The following MBOAT1 variants were observed in gnomAD, a reference collection of about 807,000 sequenced individuals.
The protein encoded by MBOAT1 is membrane bound glycerophospholipid O-acyltransferase 1.
A neutral mutation model predicts 64.4 loss-of-function variants in MBOAT1; 67 were observed. The observed-to-expected ratio is 1.04, with a 90% confidence interval of 0.85 to 1.27. The LOEUF (loss-of-function observed/expected upper bound fraction) is 1.27. Ranked by LOEUF, MBOAT1 falls within the 50% of genes most tolerant of loss-of-function variation. The pLI is 0.00. For synonymous variants in MBOAT1, 229 were observed against 218.9 expected (o/e 1.05, Z -0.41); for missense variants, 563 against 604.6 (o/e 0.93, Z 0.72).
intron 3 of MBOAT1, among the ~76,000 whole-genome samples, chr6:20,149,496 G>C (rs1761427943): frequency 6.6e-6 from 1 of 152,144 alleles, no homozygotes; most frequent in African/African-American, 2.4e-5. Context: ...TTTTGGAAAA[G>C]CCAAGCCTTT....
chr6:20,161,713 G>C (rs35366900), intron 1 of MBOAT1, among the ~76,000 whole-genome samples: 16,921 of 152,132 alleles, frequency 0.11, 1,055 homozygotes, highest in Middle Eastern at 0.19. Context: ...GTCAGGGAGT[G>C]GTAGAGCCAG....
intron 12 of MBOAT1, 58 bp from the exon 13 acceptor site, chr6:20,102,470 C>A (rs1756800044): frequency 4.2e-6 from 6 of 1,432,286 alleles, no homozygotes; most frequent in Non-Finnish European, 5.8e-6. Context: ...TGGGAAACAC[C>A]ACCTAATTAT....
intron 1 of MBOAT1, among the ~76,000 whole-genome samples, chr6:20,155,361 C>G (rs1278065328): frequency 6.6e-6 from 1 of 152,186 alleles, no homozygotes; most frequent in African/African-American, 2.4e-5. Flanking sequence ...GGTATGTTCC[C>G]TCCCTTCAAG....
chr6:20,138,170 G>A (rs755875126), intron 4 of MBOAT1, among the ~76,000 whole-genome samples: 1 of 152,230 alleles, frequency 6.6e-6, no homozygotes, highest in South Asian at 2.1e-4. Flanking sequence ...CTTTACGGTG[G>A]TAGGGAAAAA....
rs141677864 is a variant in MBOAT1, at chr6:20,156,228, G to A, written c.100-3459C>T. 8.4e-3 allele frequency among the ~76,000 whole-genome samples: 1,238 copies of A among 147,304 alleles called. 6 individuals carry two copies. The highest frequency in any genetic ancestry group is 0.018 in the Middle Eastern group (5 of 274). On this transcript the variant is annotated intron_variant, in intron 1 of 12. Transcript: ENST00000324607. The stretch of plus-strand genomic sequence containing the variant: ...AGAGCTTGCAGTGAGCTGAGATCAC[G>A]CCACTGCACTCCAGCCTGGGCGACA...
chr6:20,164,864 A>G (rs1366265357), intron 1 of MBOAT1, among the ~76,000 whole-genome samples: 1 of 152,224 alleles, frequency 6.6e-6, no homozygotes, highest in East Asian at 1.9e-4. Context: ...TTGAGTAGCC[A>G]TATGACCATT....
chr6:20,149,120 C>A (rs372893702), intron 3 of MBOAT1, among the ~76,000 whole-genome samples: 66 of 140,746 alleles, frequency 4.7e-4, no homozygotes, highest in African/African-American at 1.1e-3. Flanking sequence ...AAAAAAAAAA[C>A]CAAACAAAAA....
chr6:20,193,196 C>T (rs547587199), intron 1 of MBOAT1, among the ~76,000 whole-genome samples: 30 of 150,290 alleles, frequency 2.0e-4, no homozygotes, highest in African/African-American at 7.1e-4. Flanking sequence ...TTAGTAGAGA[C>T]GGGGTTTCAC....
intron 1 of MBOAT1, among the ~76,000 whole-genome samples, chr6:20,186,588 C>A (rs1762661251): frequency 6.6e-6 from 1 of 152,224 alleles, no homozygotes; most frequent in Admixed American, 6.5e-5. Context: ...GGGTCCCCAA[C>A]AAGGCCAGCC....
At chr6:20,166,307 T>C (rs1320415833) in intron 1 of MBOAT1, among the ~76,000 whole-genome samples, 1 of 152,110 alleles carries the variant, frequency 6.6e-6, no homozygotes, top group Admixed American at 6.5e-5. Flanking sequence ...GAACTTAGAT[T>C]TTCATAGAGA....
At chr6:20,128,485 T>G (rs1374542580) in intron 6 of MBOAT1, among the ~76,000 whole-genome samples, 2 of 152,316 alleles carry the variant, frequency 1.3e-5, no homozygotes, top group South Asian at 2.1e-4. Flanking sequence ...CCCTAACACA[T>G]TTCAAAATGA....
intron 1 of MBOAT1, among the ~76,000 whole-genome samples, chr6:20,158,400 T>A (rs1761757764): frequency 6.6e-6 from 1 of 152,134 alleles, no homozygotes; most frequent in Non-Finnish European, 1.5e-5. Context: ...GACTTTCATC[T>A]CATCCCTTAT....
Position 20,100,525 on chromosome 6 carries a change from A to G in MBOAT1, c.*1761T>C, listed in dbSNP as rs1220775159. Among the ~76,000 whole-genome samples, 1 of 152,144 alleles carries G rather than the reference A, an allele frequency of 6.6e-6. No individual in the cohort carries two copies. Among genetic ancestry groups the G allele is most frequent in the Non-Finnish European group, 1.5e-5 (1 of 68,018 alleles). Reference sequence around the variant, plus strand: ...CTACTTCTTAACTTCCACTGTCCCAAATAAGGACTAAAGTTTGGGTTCTAG... The same window carrying G: ...CTACTTCTTAACTTCCACTGTCCCAGATAAGGACTAAAGTTTGGGTTCTAG... On this transcript the variant is annotated 3_prime_UTR_variant, in exon 13 of 13. Transcript: ENST00000324607.
chr6:20,201,005 G>A (rs1763106370), intron 1 of MBOAT1, among the ~76,000 whole-genome samples: 1 of 152,156 alleles, frequency 6.6e-6, no homozygotes, highest in Non-Finnish European at 1.5e-5. Flanking sequence ...GAGGCAAAGA[G>A]CCAGAAAGTC....
At chr6:20,151,070 T>C (rs2113692176) in intron 3 of MBOAT1, 115 bp downstream of exon 3, 1 of 709,730 alleles carries the variant, frequency 1.4e-6, no homozygotes, top group African/African-American at 1.8e-5. Flanking sequence ...CTAGATAAAC[T>C]AAGATATACC....
chr6:20,120,538 G>A (rs71560115), intron 8 of MBOAT1, among the ~76,000 whole-genome samples: 9,707 of 151,994 alleles, frequency 0.064, 408 homozygotes, highest in South Asian at 0.13. Context: ...GTGTGGTGGC[G>A]GGCACTTGCA....
intron 3 of MBOAT1, among the ~76,000 whole-genome samples, chr6:20,147,623 G>A (rs1561763077): frequency 1.3e-5 from 2 of 148,600 alleles, no homozygotes; most frequent in Non-Finnish European, 3.0e-5. Context: ...TGGGCAACGA[G>A]AGCAAACTCC....
At position 20,152,608 on chromosome 6, in the gene MBOAT1, T is replaced by C; in HGVS notation, c.245+16A>G. 2 of 1,603,684 alleles carry C rather than the reference T, an allele frequency of 1.2e-6. No individual in the cohort carries two copies. Among genetic ancestry groups the C allele is most frequent in the South Asian group, 1.1e-5 (1 of 89,282 alleles). On this transcript the variant is annotated intron_variant, in intron 2 of 12. Coordinates refer to ENST00000324607, the MANE Select transcript of MBOAT1 (RefSeq NM_001080480.3). The stretch of plus-strand genomic sequence containing the variant: ...TCCAAATGACCAATATTAGAATATA[T>C]GAGGCTCATACTCACCAGCCGAAAC...
chr6:20,134,075 AC>A, intron 4 of MBOAT1, among the ~76,000 whole-genome samples: 1 of 152,250 alleles, frequency 6.6e-6, no homozygotes, highest in East Asian at 1.9e-4. Context: ...CCAATCCAAG[AC>A]CTTTTTTCTT....
Sources: gnomAD v4.1 joint callset for allele counts (sites outside exome capture counted in the v4.1 genomes callset) on GRCh38, gnomAD v4.1.1 for gene constraint, MANE v1.5 for transcripts, NCBI Gene and HGNC (gene_info 2026-07-23, HGNC 2026-07-21) for gene names.